PKHD1: variants seen among roughly 807,000 people sequenced by gnomAD.
PKHD1 encodes fibrocystin.
Under a neutral mutation model 412.0 loss-of-function variants are expected in PKHD1, and 291 were observed. The ratio of observed to expected loss-of-function variants is 0.71; its 90% CI spans 0.64 to 0.78. The LOEUF is 0.78. Among genes scored for constraint, PKHD1 ranks in the 30% least tolerant of loss-of-function variants. PKHD1 has a pLI of 0.00. For synonymous variants in PKHD1, 1,777 were observed against 1,821.5 expected, an observed-to-expected ratio of 0.98 and a Z score of 0.62; for missense variants, 4,825 against 4,950.7, an observed-to-expected ratio of 0.97 and a Z score of 0.76.
At chr6:51,794,731 C>A (rs564760646) in intron 52 of PKHD1, among the ~76,000 whole-genome samples, 2 of 152,246 alleles carry the variant, frequency 1.3e-5, no homozygotes, top group Admixed American at 6.5e-5. Flanking sequence ...TTCAGTTTTT[C>A]TGCATATGGC....
At chr6:51,783,396 C>A (rs9395717) in intron 53 of PKHD1, among the ~76,000 whole-genome samples, 2,145 of 37,514 alleles carry the variant, frequency 0.057, 46 homozygotes, top group African/African-American at 0.12. Flanking sequence ...TATTTAAATA[C>A]TATATTTATT....
At chr6:51,854,006 T>C (rs912729567) in intron 49 of PKHD1, among the ~76,000 whole-genome samples, 11 of 152,086 alleles carry the variant, frequency 7.2e-5, no homozygotes, top group African/African-American at 2.7e-4. Context: ...CACTCTGGCC[T>C]TTTTGGTTTT....
chr6:51,996,753 CA>C (rs943801792), intron 35 of PKHD1, among the ~76,000 whole-genome samples: 4 of 152,166 alleles, frequency 2.6e-5, no homozygotes, highest in Non-Finnish European at 5.9e-5. Context: ...CTTAAGTTAG[CA>C]AAAGGAGAAG....
chr6:51,906,221 G>T lies in PKHD1; in HGVS notation c.6802C>A (p.Leu2268Ile), dbSNP rs758494106. 2 of 1,611,726 alleles carry T rather than the reference G, an allele frequency of 1.2e-6. No homozygotes were observed. The highest frequency in any genetic ancestry group is 1.7e-6 in the Non-Finnish European group (2 of 1,178,204). The change falls in exon 41 of 67, where the codon CTA (leucine) becomes ATA (isoleucine). Residue 2268 changes from leucine (L) to isoleucine (I), a missense_variant. Physicochemically the swap from Leu to Ile is conservative, Grantham distance 5 (BLOSUM62 2). Coordinates refer to ENST00000371117, the MANE Select transcript of PKHD1 (RefSeq NM_138694.4). ...VFYNILGHALLVGTCTEMRYI... is the reference protein window; with the variant it reads ...VFYNILGHALIVGTCTEMRYI... ...ACAAGCTTGTTTTACTTACCAACTAGCAGCGCATGACCTAAAATATTGTAG... is the reference window on the plus strand; with the variant it reads ...ACAAGCTTGTTTTACTTACCAACTATCAGCGCATGACCTAAAATATTGTAG...
At chr6:51,682,589 T>G (rs1274897255) in intron 60 of PKHD1, among the ~76,000 whole-genome samples, 1 of 152,048 alleles carries the variant, frequency 6.6e-6, no homozygotes, top group Non-Finnish European at 1.5e-5. Flanking sequence ...GCTTGCTCAT[T>G]TTGCTATGTC....
chr6:51,634,531 T>G (rs1382170734), intron 64 of PKHD1, among the ~76,000 whole-genome samples: 1 of 152,236 alleles, frequency 6.6e-6, no homozygotes. Flanking sequence ...CTGGGTCAAG[T>G]TGATAAGTTA....
At chr6:51,754,017 A>G (rs574787827) in intron 56 of PKHD1, among the ~76,000 whole-genome samples, 13 of 152,328 alleles carry the variant, frequency 8.5e-5, no homozygotes, top group Admixed American at 6.5e-5. Context: ...TCCTGGGAAC[A>G]TTGATTTAGA....
intron 52 of PKHD1, among the ~76,000 whole-genome samples, chr6:51,808,827 T>C (rs1764239469): frequency 6.6e-6 from 1 of 152,158 alleles, no homozygotes; most frequent in Non-Finnish European, 1.5e-5. Flanking sequence ...TGTTTCAATT[T>C]ATTCTGACTT....
intron 60 of PKHD1, among the ~76,000 whole-genome samples, chr6:51,695,284 T>G (rs1353625126): frequency 6.6e-6 from 1 of 152,188 alleles, no homozygotes; most frequent in Non-Finnish European, 1.5e-5. Flanking sequence ...TTTCATATCT[T>G]GTTATTCTCA....
intron 40 of PKHD1, among the ~76,000 whole-genome samples, chr6:51,908,999 C>G (rs1046619720): frequency 6.6e-5 from 10 of 152,144 alleles, no homozygotes; most frequent in African/African-American, 2.2e-4. Context: ...ACTCCTTGGA[C>G]TGCCTGTTCC....
chr6:51,886,109 C>T (rs1778176417), intron 44 of PKHD1, 137 bp from the exon 45 acceptor site: 1 of 701,616 alleles, frequency 1.4e-6, no homozygotes, highest in Non-Finnish European at 2.6e-6. Context: ...CTCCCCCTAA[C>T]TGTTCTTGCC....
chr6:51,834,589 TA>T (rs1384499926), intron 51 of PKHD1, among the ~76,000 whole-genome samples: 2 of 152,116 alleles, frequency 1.3e-5, no homozygotes, highest in African/African-American at 4.8e-5. Flanking sequence ...GATATTGCAA[TA>T]ATTTTACTGT....
intron 52 of PKHD1, among the ~76,000 whole-genome samples, chr6:51,827,800 G>C (rs1424909068): frequency 6.6e-6 from 1 of 152,108 alleles, no homozygotes; most frequent in East Asian, 1.9e-4. Flanking sequence ...ACTGTGCCTT[G>C]AACAGAGTGA....
intron 60 of PKHD1, among the ~76,000 whole-genome samples, chr6:51,716,552 G>A (rs543378875): frequency 6.6e-6 from 1 of 152,046 alleles, no homozygotes; most frequent in African/African-American, 2.4e-5. Context: ...TGCGTGTTGT[G>A]TAGCCACTGC....
intron 35 of PKHD1, among the ~76,000 whole-genome samples, chr6:51,972,691 C>T (rs539668189): frequency 6.6e-6 from 1 of 152,314 alleles, no homozygotes; most frequent in African/African-American, 2.4e-5. Context: ...AATTTCTAAG[C>T]TCTTAGAGCC....
intron 60 of PKHD1, among the ~76,000 whole-genome samples, chr6:51,665,284 A>G (rs1773552863): frequency 6.6e-6 from 1 of 152,208 alleles, no homozygotes; most frequent in Non-Finnish European, 1.5e-5. Flanking sequence ...TTTGTTAGAA[A>G]TATGAGAATG....
At chr6:51,937,085 A>C (rs950947923) in intron 36 of PKHD1, among the ~76,000 whole-genome samples, 4 of 152,206 alleles carry the variant, frequency 2.6e-5, no homozygotes, top group Non-Finnish European at 4.4e-5. Context: ...CATCTGCATA[A>C]TAAGAACCTT....
chr6:52,054,266 C>T, intron 19 of PKHD1, 101 bp from the exon 20 acceptor site: 2 of 1,139,334 alleles, frequency 1.8e-6, no homozygotes, highest in Non-Finnish European at 2.6e-6. Context: ...CTGCCATAGG[C>T]TCTGAGAGAG....
At position 51,771,209 on chromosome 6, in the gene PKHD1, C is replaced by T. The variant is rs867568059; in HGVS notation, c.8642+1493G>A. Among the ~76,000 whole-genome samples, 906 of 151,426 alleles carry T rather than the reference C, an allele frequency of 6.0e-3. 9 individuals carry two copies. The highest frequency in any genetic ancestry group is 0.018 in the African/African-American group (746 of 41,350). On this transcript the variant is annotated intron_variant, in intron 55 of 66. Transcript: ENST00000371117. The stretch of plus-strand genomic sequence containing the variant: ...ATATAACAGGTAGGATACACACACA[C>T]ACACACACACACACATGCACATAAC...
Sources: gnomAD v4.1 joint callset for allele counts (sites outside exome capture counted in the v4.1 genomes callset) on GRCh38, gnomAD v4.1.1 for gene constraint, MANE v1.5 for transcripts, NCBI Gene and HGNC (gene_info 2026-07-23, HGNC 2026-07-21) for gene names.